MARCHF1: variants seen among roughly 807,000 people sequenced by gnomAD.
MARCHF1 encodes membrane associated ring-CH-type finger 1.
In MARCHF1, 40 loss-of-function variants were observed where a neutral mutation model predicts 54.2. That is an observed-to-expected ratio of 0.74 (90% CI 0.57 to 0.96). The LOEUF is 0.96. Among genes scored for constraint, MARCHF1 ranks in the 40% least tolerant of loss-of-function variants. The pLI is 0.00. For synonymous variants in MARCHF1, 236 were observed against 236.3 expected (o/e 1.00, Z 0.01); for missense variants, 586 against 656.5 (o/e 0.89, Z 1.17).
intron 2 of MARCHF1, among the ~76,000 whole-genome samples, chr4:164,028,510 T>C (rs530490952): frequency 6.6e-6 from 1 of 152,156 alleles, no homozygotes; most frequent in African/African-American, 2.4e-5. Flanking sequence ...TTATAAATGA[T>C]AGCTAAACAA....
Position 163,612,502 on chromosome 4 carries a change from T to C in MARCHF1, c.779A>G (p.Asn260Ser), listed in dbSNP as rs1230662523. The C allele has an allele frequency of 6.5e-7, 1 of 1,535,280 alleles. No homozygotes were observed. The highest frequency in any genetic ancestry group is 8.7e-7 in the Non-Finnish European group (1 of 1,146,468). ...GSSEIKRSSR[N>S]HEKSKGRYHH... ...ATATCTGCCTTTGCTCTTCTCATGATTCCTTGAGGATCTCTTAATTTCAGA... is the reference window on the plus strand; with the variant it reads ...ATATCTGCCTTTGCTCTTCTCATGACTCCTTGAGGATCTCTTAATTTCAGA... The change falls in exon 7 of 10, where the codon AAT (asparagine) becomes AGT (serine). Residue 260 changes from asparagine to serine, a missense_variant. By Grantham distance (46) the Asn-to-Ser change is conservative. Transcript: ENST00000514618.
chr4:164,235,220 T>C (rs1203850129), intron 1 of MARCHF1, among the ~76,000 whole-genome samples: 1 of 152,136 alleles, frequency 6.6e-6, no homozygotes, highest in Non-Finnish European at 1.5e-5. Flanking sequence ...ACAAGGACTA[T>C]GGGAATAGTC....
At chr4:163,739,220 G>T (rs929817479) in intron 4 of MARCHF1, among the ~76,000 whole-genome samples, 1 of 152,056 alleles carries the variant, frequency 6.6e-6, no homozygotes, top group Non-Finnish European at 1.5e-5. Context: ...GTGGTGAAGG[G>T]ATTTTATACT....
chr4:164,247,915 T>C (rs907882780), intron 1 of MARCHF1, among the ~76,000 whole-genome samples: 2 of 151,082 alleles, frequency 1.3e-5, no homozygotes, highest in East Asian at 1.9e-4. Flanking sequence ...ATTGGTCAAG[T>C]TGCATTGCTT....
At chr4:164,264,645 C>G (rs868126540) in intron 1 of MARCHF1, among the ~76,000 whole-genome samples, 80 of 152,144 alleles carry the variant, frequency 5.3e-4, no homozygotes, top group African/African-American at 1.9e-3. Flanking sequence ...ACTGGCTGGA[C>G]GCAGTGGCTC....
At chr4:164,035,809 G>T (rs1332413018) in intron 2 of MARCHF1, among the ~76,000 whole-genome samples, 1 of 151,368 alleles carries the variant, frequency 6.6e-6, no homozygotes, top group Non-Finnish European at 1.5e-5. Context: ...GGCCGGGTGC[G>T]GTGGCTTACG....
intron 3 of MARCHF1, among the ~76,000 whole-genome samples, chr4:163,948,229 T>C (rs1374603580): frequency 3.9e-5 from 6 of 152,234 alleles, no homozygotes; most frequent in Non-Finnish European, 8.8e-5. Context: ...TTTCAATGGT[T>C]CACTAGTCAA....
chr4:163,547,737 C>G lies in MARCHF1; in HGVS notation c.1192-1994G>C, dbSNP rs555443929. On this transcript the variant is annotated intron_variant, in intron 8 of 9. Transcript: ENST00000514618. ...GCCTATAATTTCATTTGCAAGAGAGCATGATACTTCAAGTATGACCTTGAT... is the reference window on the plus strand; with the variant it reads ...GCCTATAATTTCATTTGCAAGAGAGGATGATACTTCAAGTATGACCTTGAT... 3.9e-5 allele frequency among the ~76,000 whole-genome samples: 6 copies of G among 152,324 alleles called. No homozygotes were observed. The South Asian group carries it at 1.2e-3, about 32-fold the overall frequency.
intron 2 of MARCHF1, among the ~76,000 whole-genome samples, chr4:164,009,428 T>C (rs1299089368): frequency 6.6e-6 from 1 of 152,166 alleles, no homozygotes; most frequent in Non-Finnish European, 1.5e-5. Context: ...GAGGAAATAC[T>C]TCTAAGCTCG....
At position 163,751,149 on chromosome 4, in the gene MARCHF1, G is replaced by A. The variant is rs1022794108; in HGVS notation, c.112-50286C>T. Among the ~76,000 whole-genome samples, 205 of 149,890 alleles carry A rather than the reference G, an allele frequency of 1.4e-3. 1 individual carries two copies. The highest frequency in any genetic ancestry group is 4.9e-3 in the African/African-American group (200 of 41,128). ...ATTACCACTTTGTGTGTGTGTGTGT[G>A]TGTGTGTGTGTGTGTGTGTGTGTGT... On this transcript the variant is annotated intron_variant, in intron 4 of 9. Transcript: ENST00000514618.
intron 4 of MARCHF1, among the ~76,000 whole-genome samples, chr4:163,761,511 T>C (rs7682446): frequency 0.049 from 6,127 of 124,230 alleles, 185 homozygotes; most frequent in African/African-American, 0.095. Context: ...GATAATTGAA[T>C]ATTAAGTGGA....
intron 1 of MARCHF1, among the ~76,000 whole-genome samples, chr4:164,301,507 G>T (rs1452821509): frequency 6.6e-6 from 1 of 152,140 alleles, no homozygotes; most frequent in Non-Finnish European, 1.5e-5. Context: ...AATAGAAAAA[G>T]TTCACTATGG....
intron 1 of MARCHF1, among the ~76,000 whole-genome samples, chr4:164,251,751 C>A (rs1432880873): frequency 6.6e-6 from 1 of 152,054 alleles, no homozygotes; most frequent in East Asian, 1.9e-4. Context: ...ATTCCCAACA[C>A]AGAGAAGACA....
chr4:164,087,984 C>T (rs1001054683), intron 2 of MARCHF1, among the ~76,000 whole-genome samples: 13 of 152,062 alleles, frequency 8.5e-5, no homozygotes, highest in African/African-American at 2.4e-4. Context: ...TGAGTAGAGA[C>T]GTTAAATTGA....
chr4:163,966,660 G>A (rs1056067562), intron 3 of MARCHF1, among the ~76,000 whole-genome samples: 17 of 152,110 alleles, frequency 1.1e-4, no homozygotes, highest in East Asian at 5.8e-4. Flanking sequence ...ACACTTTTAT[G>A]TATTAAAGCA....
chr4:163,694,001 A>G (rs2111209818), intron 5 of MARCHF1, among the ~76,000 whole-genome samples: 1 of 152,320 alleles, frequency 6.6e-6, no homozygotes, highest in South Asian at 2.1e-4. Flanking sequence ...GACTAACAGA[A>G]GTGATCATCA....
chr4:164,226,115 T>C (rs1025323765), intron 1 of MARCHF1, among the ~76,000 whole-genome samples: 2 of 151,996 alleles, frequency 1.3e-5, no homozygotes, highest in African/African-American at 4.8e-5. Context: ...GAACATCTGA[T>C]TGGATGTTCT....
At chr4:164,253,218 G>C (rs1733175568) in intron 1 of MARCHF1, among the ~76,000 whole-genome samples, 1 of 152,082 alleles carries the variant, frequency 6.6e-6, no homozygotes, top group African/African-American at 2.4e-5. Flanking sequence ...AAAATGTCTT[G>C]TAAATACTGT....
At chr4:163,722,506 G>C (rs1242074573) in intron 4 of MARCHF1, among the ~76,000 whole-genome samples, 1 of 152,186 alleles carries the variant, frequency 6.6e-6, no homozygotes, top group Non-Finnish European at 1.5e-5. Flanking sequence ...TGTATATTCT[G>C]TTGATTTGGG....
Sources: gnomAD v4.1 joint callset for allele counts (sites outside exome capture counted in the v4.1 genomes callset) on GRCh38, gnomAD v4.1.1 for gene constraint, MANE v1.5 for transcripts, NCBI Gene and HGNC (gene_info 2026-07-23, HGNC 2026-07-21) for gene names.